RNH1: variants seen among roughly 807,000 people sequenced by gnomAD.
The protein encoded by RNH1 is ribonuclease/angiogenin inhibitor 1.
Under a neutral mutation model 46.1 loss-of-function variants are expected in RNH1, and 38 were observed. The observed-to-expected ratio is 0.82, with a 90% CI of 0.64 to 1.08. RNH1 has a LOEUF of 1.08. Ranked by LOEUF, RNH1 falls within the 50% of genes least tolerant of loss-of-function variation. The pLI, the probability that RNH1 is intolerant of heterozygous loss-of-function variation, is 0.00. For synonymous variants in RNH1, 319 were observed against 279.1 expected, an observed-to-expected ratio of 1.14 and a Z score of -1.43; for missense variants, 577 against 590.7, an observed-to-expected ratio of 0.98 and a Z score of 0.24.
intron 9 of RNH1, 84 bp downstream of exon 9, chr11:497,885 CAG>C (rs1849320754): frequency 8.8e-6 from 13 of 1,474,126 alleles, no homozygotes; most frequent in East Asian, 2.3e-5. Flanking sequence ...CGTGCTCACA[CAG>C]ATACTCGTGC....
intron 2 of RNH1, chr11:504,529 C>T (rs993764014): frequency 6.6e-6 from 1 of 151,864 alleles, no homozygotes; most frequent in African/African-American, 2.4e-5. Context: ...GGGAGTCCAC[C>T]CTGGGGGCCG....
rs759935037 is a variant in RNH1 at position 494,943 on chromosome 11, G to A, written c.1238C>T (p.Ala413Val). 1.7e-5 allele frequency: 28 copies of A among 1,607,868 alleles called. No individual in the cohort carries two copies. Among genetic ancestry groups the A allele is most frequent in the African/African-American group, 1.2e-4 (9 of 74,832 alleles). The part of the protein sequence containing the change: ...LDLSNNCLGD[A>V]GILQLVESVR... ...GCTCTCCACCAGCTGCAGGATGCCG[G>A]CGTCCCCCAGGCAGTTGTTGCTGAG... Residue 413 changes from alanine to valine, a missense_variant, in exon 10 of 11, where the codon GCC becomes GTC. By Grantham distance (64) the Ala-to-Val change is moderately conservative (BLOSUM62 0). Transcript: ENST00000354420.
chr11:502,552 G>C lies in RNH1; in HGVS notation c.-87-303C>G, dbSNP rs529464626. On this transcript the variant is annotated intron_variant, in intron 2 of 10. Transcript: ENST00000354420. The surrounding 1 kb of genome is among the most constrained non-coding windows in gnomAD (Gnocchi z 5.8). ...CCCTGCCTCTCATTTGCTTGGGCAA[G>C]GACAGGGTAGGGTGGGGTGGTCTGT... The C allele has an allele frequency of 1.3e-4, 39 of 306,002 alleles. No individual in the cohort carries two copies. The East Asian group carries it at 2.8e-3, about 22-fold the overall frequency. 19.0% of individuals were successfully genotyped at this position (306,002 alleles called of 1,614,324 possible). A position where few individuals can be genotyped will look rare whatever the true frequency, so the allele number is the denominator to read the frequency against.
At chr11:500,170 C>G in intron 4 of RNH1, 171 bp from the exon 5 acceptor site, 1 of 777,396 alleles carries the variant, frequency 1.3e-6, no homozygotes, top group Non-Finnish European at 2.0e-6. Context: ...AAGGAGGGCA[C>G]GCATGTGGCT....
At chr11:498,351 G>T (rs1849364801) in intron 8 of RNH1, 106 bp downstream of exon 8, 9 of 1,461,236 alleles carry the variant, frequency 6.2e-6, no homozygotes, top group Non-Finnish European at 2.8e-6. Context: ...GAAGGTCGGA[G>T]CTGAGCCCAG....
intron 4 of RNH1, 131 bp from the exon 5 acceptor site, chr11:500,130 C>CTCTGGGG: frequency 8.8e-7 from 1 of 1,134,924 alleles, no homozygotes; most frequent in Middle Eastern, 3.0e-4. Context: ...CTGGACGGGG[C>CTCTGGGG]TCTGGGGTCT....
chr11:503,548 T>G (rs1849944936), intron 2 of RNH1: 1 of 138,034 alleles, frequency 7.2e-6, no homozygotes. Flanking sequence ...CCGAAGCACG[T>G]GAGCAAAACC....
At chr11:497,358 CATGCTCACTCACCCAT>C (rs1318743951) in intron 9 of RNH1, among the ~76,000 whole-genome samples, 4 of 148,026 alleles carry the variant, frequency 2.7e-5, no homozygotes, top group Admixed American at 6.7e-5. Context: ...CACGGACACT[CATGCTCACTCACCCAT>C]GTGCTCACAC....
In RNH1 at chr11:501,962, C is replaced by T; in HGVS notation, c.101+100G>A. On this transcript the variant is annotated intron_variant, in intron 3 of 10. Transcript: ENST00000354420. The surrounding 1 kb of genome is among the most constrained non-coding windows in gnomAD (Gnocchi z 4.1). The stretch of plus-strand genomic sequence containing the variant: ...CTGCACAGAATTCATACTTCATGTC[C>T]ACAAACAAGGCGTTCCAGAGCAATG... 1.4e-6 allele frequency: 1 copy of T among 722,892 alleles called. No homozygotes were observed. The highest frequency in any genetic ancestry group is 2.4e-6 in the Non-Finnish European group (1 of 417,572). 44.8% of individuals were successfully genotyped at this position (722,892 alleles called of 1,614,324 possible).
rs137945386 is a variant in RNH1, at chr11:499,870, G to C, written c.402C>G (p.Cys134Trp). 1 of 1,612,704 alleles carries C rather than the reference G, an allele frequency of 6.2e-7. No individual in the cohort carries two copies. Among genetic ancestry groups the C allele is most frequent in the African/African-American group, 1.3e-5 (1 of 74,922 alleles). The change falls in exon 5 of 11, where the codon TGC becomes TGG. Residue 134 changes from cysteine to tryptophan, a missense_variant. Physicochemically the swap from Cys to Trp is radical, Grantham distance 215 (BLOSUM62 -2). Transcript: ENST00000354420. ...GGCACTGGGGGTCCAGGAGTCCTTC[G>C]CAGAGCAGCTGCAGGCCCGCATCCC... ...LLGDAGLQLL[C>W]EGLLDPQCRL...
In RNH1 at chr11:499,020, C is replaced by T. The variant is rs762184292; in HGVS notation, c.609G>A (p.Ala203=). The part of the protein sequence containing the change: ...GLKDSPCQLE[A]LKLESCGVTS... Reference sequence around the variant, plus strand: ...CCCCAAGGCCCAGTGCCTACTTGAGCGCCTCCAGCTGGCAGGGGGAGTCCT... The same window carrying T: ...CCCCAAGGCCCAGTGCCTACTTGAGTGCCTCCAGCTGGCAGGGGGAGTCCT... The change falls in exon 6 of 11, where the codon GCG becomes GCA. Residue 203 remains alanine, a synonymous_variant. Coordinates refer to ENST00000354420, the MANE Select transcript of RNH1 (RefSeq NM_203387.3). The T allele has an allele frequency of 9.9e-6, 16 of 1,612,942 alleles. No individual in the cohort carries two copies. Among genetic ancestry groups the T allele is most frequent in the Middle Eastern group, 1.6e-4 (1 of 6,078 alleles).
At position 495,057 on chromosome 11, in the gene RNH1, G is replaced by T. The variant is rs67912009; in HGVS notation, c.1128-4C>A. ...ACTCACATCGCAGTCGGCCAACCTG[G>T]GTGAAGCAGGGCGGGGGTCAGGGTG... On this transcript the variant is annotated splice_region_variant and splice_polypyrimidine_tract_variant and intron_variant, in intron 9 of 10. Coordinates refer to ENST00000354420, the MANE Select transcript of RNH1 (RefSeq NM_203387.3). The T allele has an allele frequency of 0.12, 198,478 of 1,600,706 alleles. 13,827 individuals are homozygous for T. The highest frequency in any genetic ancestry group is 0.23 in the Admixed American group (13,555 of 57,904).
At chr11:496,720 G>A (rs1464873537) in intron 9 of RNH1, among the ~76,000 whole-genome samples, 1 of 152,238 alleles carries the variant, frequency 6.6e-6, no homozygotes, top group Non-Finnish European at 1.5e-5. Context: ...GCTATACCCG[G>A]CTAAATGATC....
Position 499,906 on chromosome 11 carries a change from G to A in RNH1, c.366C>T (p.Asp122=). Residue 122 remains aspartate (D), a synonymous_variant, in exon 5 of 11, where the codon GAC becomes GAT. Transcript: ENST00000354420. ...GCAGGCCCGCATCCCCCAAGAGGTT[G>A]TCGCTGAGGTGCAGCTCCTGCAGGG... is the stretch of plus-strand genomic sequence containing the variant. ...LPTLQELHLS[D]NLLGDAGLQL... The A allele has an allele frequency of 4.3e-6, 7 of 1,613,274 alleles. No individual in the cohort carries two copies. The highest frequency in any genetic ancestry group is 5.9e-6 in the Non-Finnish European group (7 of 1,179,958).
At chr11:505,911 G>C (rs538645805) in intron 1 of RNH1, 2 of 132,102 alleles carry the variant, frequency 1.5e-5, no homozygotes, top group South Asian at 4.5e-4. Flanking sequence ...AAGGAGTTTC[G>C]CTCTTGTCAG....
Position 494,573 on chromosome 11 carries a change from G to A in RNH1, c.*118C>T, listed in dbSNP as rs765134949. ...CCAAAATATACTGGCAGAAATAAGC[G>A]GATCTGAGCGTTTCTCTTCAAACCT... On this transcript the variant is annotated 3_prime_UTR_variant, in exon 11 of 11. Transcript: ENST00000354420. 3.3e-5 allele frequency: 28 copies of A among 848,422 alleles called. No homozygotes were observed. The highest frequency in any genetic ancestry group is 7.3e-5 in the East Asian group (3 of 41,168). The allele number at this position is 848,422 out of a possible 1,614,324, so 52.6% of individuals were successfully genotyped here. A position where few individuals can be genotyped will look rare whatever the true frequency, so the allele number is the denominator to read the frequency against.
chr11:496,961 C>T (rs1333567328), intron 9 of RNH1, among the ~76,000 whole-genome samples: 2 of 152,254 alleles, frequency 1.3e-5, no homozygotes, highest in Non-Finnish European at 2.9e-5. Flanking sequence ...GAAACATGAC[C>T]TCTGACTTTC....
Position 499,156 on chromosome 11 carries a change from C to A in RNH1, c.473G>T (p.Ser158Ile). Residue 158 changes from serine (S) to isoleucine (I), a missense_variant, in exon 6 of 11, where the codon AGC becomes ATC. Ser to Ile is a moderately radical substitution (Grantham distance 142). Coordinates refer to ENST00000354420, the MANE Select transcript of RNH1 (RefSeq NM_203387.3). ...QLEYCSLSAA[S>I]CEPLASVLRA... is the part of the protein sequence containing the mutation. ...GAGCACGGAGGCCAGGGGCTCGCAG[C>A]TGGCAGCCGAGAGGCTGCAATACTC... is the stretch of plus-strand genomic sequence containing the variant. 2 of 1,612,816 alleles carry A rather than the reference C, an allele frequency of 1.2e-6. No individual in the cohort carries two copies. Among genetic ancestry groups the A allele is most frequent in the Non-Finnish European group, 1.7e-6 (2 of 1,179,948 alleles).
chr11:495,461 T>A (rs1358476457), intron 9 of RNH1, among the ~76,000 whole-genome samples: 2 of 151,222 alleles, frequency 1.3e-5, no homozygotes, highest in Non-Finnish European at 3.0e-5. Flanking sequence ...AAGAACAGAG[T>A]GGACAACAGA....
Sources: gnomAD v4.1 joint callset for allele counts (sites outside exome capture counted in the v4.1 genomes callset) on GRCh38, gnomAD v4.1.1 for gene constraint, Gnocchi (gnomAD v3.1) non-coding constraint, MANE v1.5 for transcripts, NCBI Gene and HGNC (gene_info 2026-07-23, HGNC 2026-07-21) for gene names.